The following ATG4C variants were observed in gnomAD, a reference collection of about 807,000 sequenced individuals.
ATG4C encodes the protein autophagy related 4C cysteine peptidase, also known as cysteine protease ATG4C.
A neutral mutation model predicts 57.6 loss-of-function variants in ATG4C; 56 were observed. The ratio of observed to expected loss-of-function variants is 0.97; its 90% confidence interval spans 0.78 to 1.21. The LOEUF (loss-of-function observed/expected upper bound fraction) is 1.21. Among genes scored for constraint, ATG4C ranks in the 50% most tolerant of loss-of-function variants. The pLI is 0.00. For missense variants in ATG4C, 595 were observed against 529.8 expected (o/e 1.12, Z -1.21); for synonymous variants, 157 against 174.1 (o/e 0.90, Z 0.78).
chr1:62,835,886 TTC>T (rs1665984512), intron 9 of ATG4C, among the ~76,000 whole-genome samples: 2 of 152,078 alleles, frequency 1.3e-5, no homozygotes, highest in African/African-American at 4.8e-5. Flanking sequence ...TACATCGTAA[TTC>T]TCTTTCTGCC....
chr1:62,791,349 C>T (rs1044275487), intron 1 of ATG4C, among the ~76,000 whole-genome samples: 11 of 152,128 alleles, frequency 7.2e-5, no homozygotes, highest in African/African-American at 2.7e-4. Context: ...AATATGGATG[C>T]ACCTTTTTCT....
chr1:62,807,931 C>CAGG (rs1664935115), intron 3 of ATG4C, among the ~76,000 whole-genome samples: 1 of 152,142 alleles, frequency 6.6e-6, no homozygotes, highest in African/African-American at 2.4e-5. Context: ...TGGGACAGTC[C>CAGG]TTACCCTGTG....
chr1:62,809,731 T>C (rs930012389), intron 3 of ATG4C, among the ~76,000 whole-genome samples: 3 of 151,176 alleles, frequency 2.0e-5, no homozygotes, highest in Non-Finnish European at 4.4e-5. Context: ...GCAATGAATA[T>C]GAAAAACTTG....
At chr1:62,829,352 G>T (rs1038150115) in intron 7 of ATG4C, among the ~76,000 whole-genome samples, 176 bp downstream of exon 7, 9 of 152,090 alleles carry the variant, frequency 5.9e-5, no homozygotes, top group African/African-American at 1.7e-4. Context: ...AATGTGAGTT[G>T]AAGAGCACAG....
chr1:62,828,998 T>C, intron 6 of ATG4C, 42 bp from the exon 7 acceptor site: 1 of 1,539,612 alleles, frequency 6.5e-7, no homozygotes, highest in South Asian at 1.2e-5. Flanking sequence ...TGAAAATCGC[T>C]TTTATATAAA....
chr1:62,860,317 C>G (rs1460539183), intron 10 of ATG4C, among the ~76,000 whole-genome samples: 1 of 152,150 alleles, frequency 6.6e-6, no homozygotes, highest in Non-Finnish European at 1.5e-5. Flanking sequence ...TGAGTACACT[C>G]TAAAATAATA....
At chr1:62,810,037 AC>A (rs1665024170) in intron 3 of ATG4C, among the ~76,000 whole-genome samples, 1 of 121,942 alleles carries the variant, frequency 8.2e-6, no homozygotes. Context: ...TGTTTAACTT[AC>A]GACCCAACAT....
chr1:62,848,858 T>G (rs1666404648), intron 10 of ATG4C, among the ~76,000 whole-genome samples: 1 of 152,246 alleles, frequency 6.6e-6, no homozygotes, highest in Admixed American at 6.5e-5. Context: ...AAATCTTCTT[T>G]AATCTAGAAC....
intron 10 of ATG4C, among the ~76,000 whole-genome samples, chr1:62,843,619 C>T (rs1454712793): frequency 1.3e-5 from 2 of 151,954 alleles, no homozygotes; most frequent in Admixed American, 1.3e-4. Context: ...ATGTTTAATT[C>T]GTAATACCCT....
Position 62,785,689 on chromosome 1 carries a change from A to G in ATG4C, c.-69+1416A>G, listed in dbSNP as rs558338136. 5.3e-4 allele frequency among the ~76,000 whole-genome samples: 81 copies of G among 152,250 alleles called. 1 individual carries two copies. The highest frequency in any genetic ancestry group is 2.8e-3 in the Admixed American group (43 of 15,298). The stretch of plus-strand genomic sequence containing the variant: ...CAATTATTGCACTAAAGAGGTTCTT[A>G]TACTAAGATTATCATTCTTTTTTAA... On this transcript the variant is annotated intron_variant, in intron 1 of 10. Coordinates refer to ENST00000317868, the MANE Select transcript of ATG4C (RefSeq NM_032852.4).
At chr1:62,825,529 CA>C (rs555893311) in intron 6 of ATG4C, among the ~76,000 whole-genome samples, 118 of 152,262 alleles carry the variant, frequency 7.7e-4, no homozygotes, top group African/African-American at 2.7e-3. Flanking sequence ...TTTTAGTGCT[CA>C]GCCTTTAGAC....
chr1:62,805,382 T>G (rs1664845141), intron 3 of ATG4C, 127 bp downstream of exon 3: 3 of 1,252,956 alleles, frequency 2.4e-6, no homozygotes, highest in Non-Finnish European at 3.1e-6. Context: ...TTCTTATAGC[T>G]CATAATATAT....
chr1:62,791,793 T>C (rs1290089910), intron 1 of ATG4C, among the ~76,000 whole-genome samples: 1 of 152,208 alleles, frequency 6.6e-6, no homozygotes, highest in Non-Finnish European at 1.5e-5. Flanking sequence ...TCAAAATCAC[T>C]GTATCTTAAA....
chr1:62,797,609 G>A, intron 1 of ATG4C, among the ~76,000 whole-genome samples: 1 of 151,366 alleles, frequency 6.6e-6, no homozygotes, highest in East Asian at 1.9e-4. Flanking sequence ...TTTCTGTTTA[G>A]GTTTTTCCTT....
At chr1:62,795,598 A>G (rs1048719093) in intron 1 of ATG4C, among the ~76,000 whole-genome samples, 3 of 152,250 alleles carry the variant, frequency 2.0e-5, no homozygotes, top group South Asian at 2.1e-4. Context: ...ATGCACAGAA[A>G]TATGAAGATG....
intron 10 of ATG4C, among the ~76,000 whole-genome samples, chr1:62,846,547 C>T (rs886749706): frequency 1.4e-4 from 21 of 152,142 alleles, no homozygotes; most frequent in South Asian, 8.3e-4. Flanking sequence ...ATACATCTGG[C>T]GTACGTTTCC....
rs566942449 is a variant in ATG4C at position 62,788,156 on chromosome 1, A to G, written c.-69+3883A>G. On this transcript the variant is annotated intron_variant, in intron 1 of 10. Transcript: ENST00000317868. ...GGATTATTACCTTTATTTTTAGCCA[A>G]ACCTTTTCGAAGTTTGAACTTGCTT... is the stretch of plus-strand genomic sequence containing the variant. 2.2e-3 allele frequency among the ~76,000 whole-genome samples: 329 copies of G among 152,282 alleles called. 2 individuals are homozygous for G. The highest frequency in any genetic ancestry group is 6.8e-3 in the Middle Eastern group (2 of 294).
Position 62,819,036 on chromosome 1 carries a change from A to C in ATG4C, c.426A>C (p.Glu142Asp), listed in dbSNP as rs747792609. The C allele has an allele frequency of 6.3e-7, 1 of 1,577,266 alleles. No individual in the cohort carries two copies. The highest frequency in any genetic ancestry group is 8.6e-7 in the Non-Finnish European group (1 of 1,163,506). ...AWTWPDALNI[E>D]NSDSESWTSH... ...CCTGGCCTGATGCTTTGAATATTGA[A>C]AATTCAGACTCTGAATCATGGACTT... The change falls in exon 5 of 11, where the codon GAA becomes GAC. Residue 142 changes from glutamate (E) to aspartate (D), a missense_variant. By Grantham distance (45) the Glu-to-Asp change is conservative (BLOSUM62 2). Transcript: ENST00000317868.
chr1:62,860,194 G>T (rs1354666653), intron 10 of ATG4C, among the ~76,000 whole-genome samples: 1 of 152,076 alleles, frequency 6.6e-6, no homozygotes, highest in East Asian at 1.9e-4. Flanking sequence ...TCCAGGGATG[G>T]TAACACACAT....
Sources: gnomAD v4.1 joint callset for allele counts (sites outside exome capture counted in the v4.1 genomes callset) on GRCh38, gnomAD v4.1.1 for gene constraint, MANE v1.5 for transcripts, NCBI Gene and HGNC (gene_info 2026-07-23, HGNC 2026-07-21) for gene names.